Variants in GSDMA observed in about 807,000 individuals in gnomAD.
GSDMA encodes the protein gasdermin A, also known as gasdermin-A.
GSDMA carries 55 observed loss-of-function variants against 54.3 expected under a neutral mutation model. The ratio of observed to expected loss-of-function variants is 1.01; its 90% CI spans 0.82 to 1.27. The LOEUF is 1.27. Ranked by LOEUF, GSDMA falls within the 50% of genes most tolerant of loss-of-function variation. GSDMA has a pLI of 0.00. For synonymous variants in GSDMA, 211 were observed against 224.7 expected (o/e 0.94, Z 0.54); for missense variants, 542 against 542.6 (o/e 1.00, Z 0.01).
Position 39,976,892 on chromosome 17 carries a change from C to T in GSDMA, c.1172C>T (p.Ser391Phe), listed in dbSNP as rs1417908741. 2 of 1,613,852 alleles carry T rather than the reference C, an allele frequency of 1.2e-6. No individual in the cohort carries two copies. The highest frequency in any genetic ancestry group is 2.7e-5 in the African/African-American group (2 of 74,890). ...VFPLQPELLS[S>F]LGDEELTLTE... Reference sequence around the variant, plus strand: ...CCCCTGCAACCTGAGCTGCTCTCCTCCCTTGGGGACGAGGAGCTGACCCTC... The same window carrying T: ...CCCCTGCAACCTGAGCTGCTCTCCTTCCTTGGGGACGAGGAGCTGACCCTC... The change falls in exon 12 of 12, where the codon TCC (serine) becomes TTC (phenylalanine). Residue 391 changes from serine to phenylalanine, a missense_variant. Ser to Phe is a radical substitution (Grantham distance 155). Coordinates refer to ENST00000301659, the MANE Select transcript of GSDMA (RefSeq NM_178171.5).
In GSDMA at chr17:39,966,506, G is replaced by A. The variant is rs909096304; in HGVS notation, c.392+69G>A. ...GCAGTGCATGGAAATGGTGCTTGGGGCCTTGAGCTGAAAGGTAGGACCCTT... is the reference window on the plus strand; with the variant it reads ...GCAGTGCATGGAAATGGTGCTTGGGACCTTGAGCTGAAAGGTAGGACCCTT... On this transcript the variant is annotated intron_variant, in intron 3 of 11. Coordinates refer to ENST00000301659, the MANE Select transcript of GSDMA (RefSeq NM_178171.5). 10 of 1,371,134 alleles carry A rather than the reference G, an allele frequency of 7.3e-6. No homozygotes were observed. In the South Asian group the frequency reaches 9.7e-5, roughly 13 times the overall value. 84.9% of individuals were successfully genotyped at this position (1,371,134 alleles called of 1,614,324 possible).
At position 39,971,765 on chromosome 17, in the gene GSDMA, C is replaced by A. The variant is rs73295294; in HGVS notation, c.655+145C>A. Reference sequence around the variant, plus strand: ...GATCCGACTGCAGCCATGGAGCCTGCTCTGGAGAGAAGGGTGAAGAGGCTC... The same window carrying A: ...GATCCGACTGCAGCCATGGAGCCTGATCTGGAGAGAAGGGTGAAGAGGCTC... On this transcript the variant is annotated intron_variant, in intron 5 of 11. Transcript: ENST00000301659. 1,583 of 648,520 alleles carry A rather than the reference C, an allele frequency of 2.4e-3. 22 individuals are homozygous for A. In the African/African-American group the frequency reaches 0.025, roughly 10 times the overall value. 40.2% of individuals were successfully genotyped at this position (648,520 alleles called of 1,614,324 possible).
chr17:39,974,712 C>T (rs1157681614), intron 9 of GSDMA, among the ~76,000 whole-genome samples, 188 bp from the exon 10 acceptor site: 2 of 152,198 alleles, frequency 1.3e-5, no homozygotes, highest in Non-Finnish European at 2.9e-5. Flanking sequence ...CTGGAACCTT[C>T]TCTTTCCAGA....
At chr17:39,965,487 C>T (rs1979604673) in intron 1 of GSDMA, 196 bp from the exon 2 acceptor site, 3 of 584,340 alleles carry the variant, frequency 5.1e-6, no homozygotes, top group East Asian at 2.9e-5. Context: ...AACTCTCCAG[C>T]CCTAGGTTCC....
chr17:39,965,971 A>G, intron 2 of GSDMA, 70 bp downstream of exon 2: 3 of 1,380,930 alleles, frequency 2.2e-6, no homozygotes, highest in Non-Finnish European at 3.0e-6. Flanking sequence ...GCCTGCAAGG[A>G]GGACCTCAAA....
intron 8 of GSDMA, 29 bp from the exon 9 acceptor site, chr17:39,974,244 G>A (rs748699450): frequency 1.5e-5 from 24 of 1,586,780 alleles, no homozygotes; most frequent in Non-Finnish European, 2.0e-5. Context: ...CCCGATGGAG[G>A]GCTGTGTGTC....
intron 4 of GSDMA, among the ~76,000 whole-genome samples, chr17:39,971,254 C>G (rs143269451): frequency 1.3e-5 from 2 of 152,108 alleles, no homozygotes; most frequent in Non-Finnish European, 2.9e-5. Context: ...CTGCCCAGTT[C>G]CCTTCATGCA....
Position 39,965,828 on chromosome 17 carries a change from C to G in GSDMA, c.141C>G (p.Leu47=), listed in dbSNP as rs746098194. Residue 47 remains leucine (L), a synonymous_variant, in exon 2 of 12, where the codon CTC becomes CTG. Coordinates refer to ENST00000301659, the MANE Select transcript of GSDMA (RefSeq NM_178171.5). The stretch of plus-strand genomic sequence containing the variant: ...TGCTGAGGAAGAGGAAGAGCACGCT[C>G]TTCTGGGGGGCCCGGTACGTCCGCA... The part of the protein sequence containing the change: ...CLVLRKRKST[L]FWGARYVRTD... 12 of 1,585,588 alleles carry G rather than the reference C, an allele frequency of 7.6e-6. No homozygotes were observed. The highest frequency in any genetic ancestry group is 1.0e-5 in the Non-Finnish European group (12 of 1,166,494).
intron 3 of GSDMA, among the ~76,000 whole-genome samples, chr17:39,969,909 A>AG (rs397822878): frequency 1.3e-5 from 2 of 151,312 alleles, no homozygotes; most frequent in African/African-American, 2.4e-5. Context: ...GAAGGAAAAA[A>AG]TAGGGTAGTA....
chr17:39,966,391 C>A lies in GSDMA; in HGVS notation c.346C>A (p.Gln116Lys). 1 of 1,613,422 alleles carries A rather than the reference C, an allele frequency of 6.2e-7. No homozygotes were observed. Among genetic ancestry groups the A allele is most frequent in the Non-Finnish European group, 8.5e-7 (1 of 1,179,722 alleles). ...CTCGCAGAACAGCACTCTGGAGGTCCAGACACTCAGTGTGGCTCCCAAGGC... is the reference window on the plus strand; with the variant it reads ...CTCGCAGAACAGCACTCTGGAGGTCAAGACACTCAGTGTGGCTCCCAAGGC... ...GLSQNSTLEV[Q>K]TLSVAPKALE... Residue 116 changes from glutamine to lysine, a missense_variant, in exon 3 of 12, where the codon CAG (glutamine) becomes AAG (lysine). Physicochemically the swap from Gln to Lys is moderately conservative, Grantham distance 53. Coordinates refer to ENST00000301659, the MANE Select transcript of GSDMA (RefSeq NM_178171.5).
Position 39,977,409 on chromosome 17 carries a change from A to G in GSDMA, c.*351A>G, listed in dbSNP as rs1445728623. 1.0e-4 allele frequency: 18 copies of G among 176,870 alleles called. No homozygotes were observed. The highest frequency in any genetic ancestry group is 1.2e-5 in the Non-Finnish European group (1 of 85,446). The allele number at this position is 176,870 out of a possible 1,614,324, so 11.0% of individuals were successfully genotyped here. A position where few individuals can be genotyped will look rare whatever the true frequency, so the allele number is the denominator to read the frequency against. ...CAGGTTCAAGCAATTCTCCTGCCTCAGCCTCTCGAGCAGCTGGAATTACAG... is the reference window on the plus strand; with the variant it reads ...CAGGTTCAAGCAATTCTCCTGCCTCGGCCTCTCGAGCAGCTGGAATTACAG... On this transcript the variant is annotated 3_prime_UTR_variant, in exon 12 of 12. Transcript: ENST00000301659.
chr17:39,975,058 T>C (rs930863486), intron 10 of GSDMA, 44 bp downstream of exon 10: 4 of 1,045,538 alleles, frequency 3.8e-6, no homozygotes, highest in South Asian at 2.7e-5. Flanking sequence ...TTTTCAGTAA[T>C]AGGAATGAAT....
At chr17:39,967,771 C>A (rs1333373657) in intron 3 of GSDMA, among the ~76,000 whole-genome samples, 1 of 152,176 alleles carries the variant, frequency 6.6e-6, no homozygotes, top group Non-Finnish European at 1.5e-5. Context: ...CTCCCAGGTT[C>A]AAGCAATTCT....
At chr17:39,968,090 T>A (rs1979751563) in intron 3 of GSDMA, among the ~76,000 whole-genome samples, 1 of 152,042 alleles carries the variant, frequency 6.6e-6, no homozygotes, top group Non-Finnish European at 1.5e-5. Flanking sequence ...AACTCCTGAC[T>A]TTGTGATCTG....
At chr17:39,976,676 A>G in intron 11 of GSDMA, 140 bp from the exon 12 acceptor site, 1 of 1,127,884 alleles carries the variant, frequency 8.9e-7, no homozygotes, top group Non-Finnish European at 1.3e-6. Flanking sequence ...AGGGCTGTTC[A>G]AAGACCCAGA....
rs372109972 is a variant in GSDMA at position 39,976,852 on chromosome 17, A to G, written c.1132A>G (p.Lys378Glu). ...STMEQNFLLDKEGVFPLQPEL... is the reference protein window; with the variant it reads ...STMEQNFLLDEEGVFPLQPEL... ...GATGGAACAGAACTTCCTGCTGGATAAAGAGGGTGTTTTCCCCCTGCAACC... is the reference window on the plus strand; with the variant it reads ...GATGGAACAGAACTTCCTGCTGGATGAAGAGGGTGTTTTCCCCCTGCAACC... Residue 378 changes from lysine to glutamate, a missense_variant, in exon 12 of 12, where the codon AAA (lysine) becomes GAA (glutamate). Transcript: ENST00000301659. 2.5e-6 allele frequency: 4 copies of G among 1,613,846 alleles called. No homozygotes were observed. In the African/African-American group the frequency reaches 5.3e-5, roughly 22 times the overall value.
intron 9 of GSDMA, 140 bp downstream of exon 9, chr17:39,974,567 T>C: frequency 1.1e-6 from 1 of 925,004 alleles, no homozygotes; most frequent in South Asian, 1.8e-5. Context: ...TTAGATACCT[T>C]CCCCAAGGCT....
chr17:39,972,218 AC>A, intron 6 of GSDMA, 42 bp downstream of exon 6: 2 of 1,373,806 alleles, frequency 1.5e-6, no homozygotes, highest in Non-Finnish European at 2.1e-6. Flanking sequence ...CTTCCGCCCT[AC>A]CCCTGACATT....
At chr17:39,972,100 T>TAGC in intron 5 of GSDMA, 29 bp from the exon 6 acceptor site, 1 of 835,096 alleles carries the variant, frequency 1.2e-6, no homozygotes, top group Non-Finnish European at 2.0e-6. Context: ...CTAAGTGTCC[T>TAGC]CCCACCCTCC....
Sources: allele counts gnomAD v4.1 joint callset (sites outside exome capture counted in the v4.1 genomes callset), GRCh38; gene constraint gnomAD v4.1.1; transcripts MANE v1.5; gene names NCBI Gene and HGNC (gene_info 2026-07-23, HGNC 2026-07-21).